The following COL6A6 variants were observed in gnomAD, a reference collection of about 807,000 sequenced individuals.
COL6A6 encodes collagen alpha-6(VI) chain.
In COL6A6, 183 loss-of-function variants were observed where a neutral mutation model predicts 208.6. That is an observed-to-expected ratio of 0.88 (90% CI 0.78 to 0.99). The LOEUF is 0.99. Among genes scored for constraint, COL6A6 ranks in the 50% least tolerant of loss-of-function variants. The pLI is 0.00. For synonymous variants in COL6A6, 973 were observed against 1,011.8 expected, an observed-to-expected ratio of 0.96 and a Z score of 0.73; for missense variants, 2,816 against 2,815.2, an observed-to-expected ratio of 1.00 and a Z score of -0.01.
chr3:130,612,369 T>G lies in COL6A6; in HGVS notation c.4815+1658T>G, dbSNP rs1226310002. On this transcript the variant is annotated intron_variant, in intron 23 of 36. Coordinates refer to ENST00000358511, the MANE Select transcript of COL6A6 (RefSeq NM_001102608.3). ...GGTATCACCACACTGCTTTCCACAA[T>G]GGCTGAACTAATGTACAGTCCCACC... 2.6e-5 allele frequency among the ~76,000 whole-genome samples: 4 copies of G among 152,184 alleles called. No individual in the cohort carries two copies. The South Asian group carries it at 6.2e-4, about 24-fold the overall frequency.
At chr3:130,583,684 G>C (rs556690889) in intron 10 of COL6A6, among the ~76,000 whole-genome samples, 1 of 152,318 alleles carries the variant, frequency 6.6e-6, no homozygotes, top group East Asian at 1.9e-4. Flanking sequence ...TGACATGGTT[G>C]AGTGTGAATA....
In COL6A6 at chr3:130,564,701, G is replaced by T. The variant is rs142222061; in HGVS notation, c.662-293G>T. On this transcript the variant is annotated intron_variant, in intron 3 of 36. Coordinates refer to ENST00000358511, the MANE Select transcript of COL6A6 (RefSeq NM_001102608.3). ...TAGCAATGGCTATGGTTCACTGAATGAATTTTATGTACCAGGCCCCATGCT... is the reference window on the plus strand; with the variant it reads ...TAGCAATGGCTATGGTTCACTGAATTAATTTTATGTACCAGGCCCCATGCT... Among the ~76,000 whole-genome samples the T allele has an allele frequency of 7.9e-5, 12 of 152,298 alleles. No homozygotes were observed. The East Asian group carries it at 2.3e-3, about 29-fold the overall frequency.
chr3:130,650,753 C>CTGTT (rs60451716), intron 33 of COL6A6, among the ~76,000 whole-genome samples: 1 of 151,850 alleles, frequency 6.6e-6, no homozygotes, highest in African/African-American at 2.4e-5. Flanking sequence ...TCTGCAAAAT[C>CTGTT]ATAGAGAAAC....
intron 7 of COL6A6, 150 bp downstream of exon 7, chr3:130,571,543 G>A (rs1391772988): frequency 3.4e-6 from 2 of 585,114 alleles, no homozygotes; most frequent in Non-Finnish European, 5.8e-6. Flanking sequence ...TAAAATCTGA[G>A]GGTTGGAAAG....
chr3:130,586,782 G>A, intron 11 of COL6A6, 122 bp downstream of exon 11: 1 of 891,864 alleles, frequency 1.1e-6, no homozygotes, highest in Non-Finnish European at 1.6e-6. Flanking sequence ...AGGTTTTTAT[G>A]AATTAGTGAA....
intron 33 of COL6A6, among the ~76,000 whole-genome samples, chr3:130,651,779 T>C (rs1486188970): frequency 6.6e-6 from 1 of 152,198 alleles, no homozygotes; most frequent in African/African-American, 2.4e-5. Context: ...AGGAGACAAC[T>C]TTCTCTCCTG....
chr3:130,565,643 T>C, intron 4 of COL6A6, 29 bp downstream of exon 4: 2 of 1,565,716 alleles, frequency 1.3e-6, no homozygotes, highest in Non-Finnish European at 1.7e-6. Flanking sequence ...AGAAGGGTTG[T>C]TTGGATTCTT....
At chr3:130,581,417 C>T in intron 8 of COL6A6, 144 bp from the exon 9 acceptor site, 1 of 565,794 alleles carries the variant, frequency 1.8e-6, no homozygotes, top group East Asian at 2.9e-5. Flanking sequence ...TTCTTAGCCT[C>T]TTTCTTTATT....
rs1484972639 is a variant in COL6A6, at chr3:130,566,587, G to A, written c.1283-115G>A. On this transcript the variant is annotated intron_variant, in intron 4 of 36. Transcript: ENST00000358511. ...CAAAGCATGTATTTTAAGCCTAGAA[G>A]CTGTTTCCCATTTTTCTGTCTGAAG... The A allele has an allele frequency of 8.8e-6, 7 of 795,036 alleles. No homozygotes were observed. The East Asian group carries it at 1.3e-4, about 15-fold the overall frequency. The allele number at this position is 795,036 out of a possible 1,614,324, so 49.2% of individuals were successfully genotyped here.
At chr3:130,617,570 G>C (rs977928883) in intron 23 of COL6A6, among the ~76,000 whole-genome samples, 1 of 152,152 alleles carries the variant, frequency 6.6e-6, no homozygotes, top group South Asian at 2.1e-4. Flanking sequence ...TTAAGGACTA[G>C]TACTGTCAAG....
chr3:130,522,130 G>A (rs1460873648), intron 1 of COL6A6, among the ~76,000 whole-genome samples: 1 of 152,176 alleles, frequency 6.6e-6, no homozygotes, highest in African/African-American at 2.4e-5. Flanking sequence ...GTGGACTATA[G>A]ATGCCATTCT....
intron 23 of COL6A6, among the ~76,000 whole-genome samples, chr3:130,615,020 T>G (rs2064475672): frequency 6.6e-6 from 1 of 151,988 alleles, no homozygotes; most frequent in Non-Finnish European, 1.5e-5. Flanking sequence ...CAGCTCTGAT[T>G]TTGGTTATTT....
At chr3:130,600,048 G>A (rs1444039419) in intron 20 of COL6A6, among the ~76,000 whole-genome samples, 1 of 152,128 alleles carries the variant, frequency 6.6e-6, no homozygotes, top group African/African-American at 2.4e-5. Flanking sequence ...GCTGGGCAAA[G>A]AAAACCAAAA....
intron 36 of COL6A6, among the ~76,000 whole-genome samples, chr3:130,666,097 T>A (rs187928841): frequency 6.6e-6 from 1 of 152,058 alleles, no homozygotes; most frequent in Non-Finnish European, 1.5e-5. Context: ...CTTGCCTACA[T>A]TGTTTATAGG....
At chr3:130,623,678 T>C (rs1050239656) in intron 24 of COL6A6, among the ~76,000 whole-genome samples, 10 of 151,922 alleles carry the variant, frequency 6.6e-5, no homozygotes, top group African/African-American at 2.4e-4. Context: ...ATCACAGACA[T>C]AGGAAAGTCA....
In COL6A6 at chr3:130,594,334, A is replaced by T; in HGVS notation, c.4524A>T (p.Arg1508=). 1 of 1,613,188 alleles carries T rather than the reference A, an allele frequency of 6.2e-7. No homozygotes were observed. Among genetic ancestry groups the T allele is most frequent in the Non-Finnish European group, 8.5e-7 (1 of 1,179,542 alleles). The change falls in exon 18 of 37, where the codon CGA becomes CGT. Residue 1508 remains arginine (R), a synonymous_variant. Transcript: ENST00000358511. ...GTGACCGTGGAGCAAAGGGCCTGCG[A>T]GGGGATCCCGTAAGTGCACGGGCTG... ...TPGDRGAKGL[R]GDPGAPGVDS...
In COL6A6 at chr3:130,553,829, C is replaced by T. The variant is rs566669917; in HGVS notation, c.-31-6505C>T. 1.5e-4 allele frequency among the ~76,000 whole-genome samples: 22 copies of T among 143,596 alleles called. 1 individual carries two copies. In the South Asian group the frequency reaches 2.3e-3, roughly 15 times the overall value. 94.2% of individuals were successfully genotyped at this position (143,596 alleles called of 152,430 possible). ...GTTGCTGTCCTTTGAATGGGTGTTGCGGTGGGTTTTTTTTGTGTTTTTTTT... is the reference window on the plus strand; with the variant it reads ...GTTGCTGTCCTTTGAATGGGTGTTGTGGTGGGTTTTTTTTGTGTTTTTTTT... On this transcript the variant is annotated intron_variant, in intron 1 of 36. Coordinates refer to ENST00000358511, the MANE Select transcript of COL6A6 (RefSeq NM_001102608.3).
rs2062997158 is a variant in COL6A6, at chr3:130,565,496, C to A, written c.1164C>A (p.Ser388=). Residue 388 remains serine, a synonymous_variant, in exon 4 of 37, where the codon TCC becomes TCA. Transcript: ENST00000358511. Reference sequence around the variant, plus strand: ...CCCACCCTGCTGAGCAGTATGTCTCCAAACTGAAGACCTTCGCTGACCTGG... The same window carrying A: ...CCCACCCTGCTGAGCAGTATGTCTCAAAACTGAAGACCTTCGCTGACCTGG... ...IASHPAEQYV[S]KLKTFADLAA... 1 of 1,613,930 alleles carries A rather than the reference C, an allele frequency of 6.2e-7. No homozygotes were observed. Among genetic ancestry groups the A allele is most frequent in the East Asian group, 2.2e-5 (1 of 44,900 alleles).
intron 24 of COL6A6, among the ~76,000 whole-genome samples, chr3:130,625,035 A>G (rs1559763787): frequency 2.0e-5 from 3 of 152,204 alleles, no homozygotes; most frequent in African/African-American, 7.2e-5. Context: ...TAGTGTGCAT[A>G]TGAATCAGCT....
Sources: allele counts gnomAD v4.1 joint callset (sites outside exome capture counted in the v4.1 genomes callset), GRCh38; gene constraint gnomAD v4.1.1; transcripts MANE v1.5; gene names NCBI Gene and HGNC (gene_info 2026-07-23, HGNC 2026-07-21).